ZNF467: variants seen among roughly 807,000 people sequenced by gnomAD.
ZNF467 encodes the protein zinc finger protein 467.
Under a neutral mutation model 47.8 loss-of-function variants are expected in ZNF467, and 51 were observed. The observed-to-expected ratio is 1.07, with a 90% CI of 0.85 to 1.35. The LOEUF is 1.35. Among genes scored for constraint, ZNF467 ranks in the 40% most tolerant of loss-of-function variants. ZNF467 has a pLI of 0.00. For missense variants in ZNF467, 992 were observed against 858.1 expected (o/e 1.16, Z -1.95); for synonymous variants, 416 against 372.9 (o/e 1.12, Z -1.33).
At position 149,765,345 on chromosome 7, in the gene ZNF467, C is replaced by T. The variant is rs755714847; in HGVS notation, c.1157G>A (p.Cys386Tyr). 1.3e-6 allele frequency: 2 copies of T among 1,527,850 alleles called. No homozygotes were observed. The highest frequency in any genetic ancestry group is 1.8e-6 in the Non-Finnish European group (2 of 1,135,766). The allele number at this position is 1,527,850 out of a possible 1,614,324, so 94.6% of individuals were successfully genotyped here. A position where few individuals can be genotyped will look rare whatever the true frequency, so the allele number is the denominator to read the frequency against. ...LHRSEGRPFGCDECALGATVD... is the reference protein window; with the variant it reads ...LHRSEGRPFGYDECALGATVD... ...GGTGGCGCCCAGTGCGCACTCATCG[C>T]ACCCAAAGGGGCGACCCTCGCTGCG... Residue 386 changes from cysteine (C) to tyrosine (Y), a missense_variant, in exon 5 of 5, where the codon TGC becomes TAC. Transcript: ENST00000302017.
rs773885949 is a variant in ZNF467 at position 149,769,174 on chromosome 7, C to T, written c.178G>A (p.Gly60Ser). Residue 60 changes from glycine to serine, a missense_variant, in exon 4 of 5, where the codon GGT becomes AGT. Transcript: ENST00000302017. The surrounding 1 kb of genome is among the most constrained non-coding windows in gnomAD (Gnocchi z 5.3). ...SGHEAPTPEE[G>S]AHTEQAEAPC... ...GCCTCGGCTTGTTCTGTGTGGGCAC[C>T]TTCCTCCGGTGTAGGGGCCTCGTGC... 9 of 1,560,644 alleles carry T rather than the reference C, an allele frequency of 5.8e-6. No individual in the cohort carries two copies. Among genetic ancestry groups the T allele is most frequent in the Non-Finnish European group, 7.8e-6 (9 of 1,151,520 alleles).
chr7:149,764,826 A>T lies in ZNF467; in HGVS notation c.1676T>A (p.Val559Glu). 6.5e-7 allele frequency: 1 copy of T among 1,541,908 alleles called. No individual in the cohort carries two copies. Among genetic ancestry groups the T allele is most frequent in the Non-Finnish European group, 8.7e-7 (1 of 1,144,682 alleles). ...TTCGCCGTGAATGAGCTGGTGCCGC[A>T]CCAGGTGGGTCTTGCGGCTGAAGCT... ...GKSFSRKTHL[V>E]RHQLIHGEAA... The change falls in exon 5 of 5, where the codon GTG becomes GAG. Residue 559 changes from valine (V) to glutamate (E), a missense_variant. Val to Glu is a moderately radical substitution (Grantham distance 121, BLOSUM62 -2). Coordinates refer to ENST00000302017, the MANE Select transcript of ZNF467 (RefSeq NM_207336.3).
Position 149,764,306 on chromosome 7 carries a change from CAGTG to C in ZNF467, c.*404_*407del. ...GGTCTGTGTGTGGATGGAGGTGGGA[CAGTG>C]GCTAAGGAGAGTCAGGTGTTCCCTC... On this transcript the variant is annotated 3_prime_UTR_variant, in exon 5 of 5. Coordinates refer to ENST00000302017, the MANE Select transcript of ZNF467 (RefSeq NM_207336.3). 9.5e-6 allele frequency: 4 copies of C among 421,072 alleles called. No individual in the cohort carries two copies. The highest frequency in any genetic ancestry group is 7.2e-5 in the South Asian group (1 of 13,984). 26.1% of individuals were successfully genotyped at this position (421,072 alleles called of 1,614,324 possible).
chr7:149,768,851 G>C (rs1262756766), intron 4 of ZNF467, among the ~76,000 whole-genome samples: 2 of 152,248 alleles, frequency 1.3e-5, no homozygotes, highest in Non-Finnish European at 2.9e-5. Flanking sequence ...AGGGGAGGCT[G>C]TGTTTCTCTT....
chr7:149,771,380 C>G (rs1439252381), intron 1 of ZNF467, among the ~76,000 whole-genome samples: 1 of 152,190 alleles, frequency 6.6e-6, no homozygotes, highest in East Asian at 1.9e-4. Flanking sequence ...CCCCAGCGTC[C>G]TTGCCTGGGA....
intron 3 of ZNF467, 67 bp downstream of exon 3, chr7:149,770,373 G>T (rs1051725580): frequency 9.3e-7 from 1 of 1,071,170 alleles, no homozygotes. Flanking sequence ...AAGGGAGAGA[G>T]GTAGGGAGGG....
At chr7:149,771,333 A>AC (rs1799399279) in intron 1 of ZNF467, among the ~76,000 whole-genome samples, 4 of 152,074 alleles carry the variant, frequency 2.6e-5, no homozygotes, top group African/African-American at 9.7e-5. Flanking sequence ...CAGGTCTGTC[A>AC]CCGCCAACCC....
chr7:149,764,712 G>C lies in ZNF467; in HGVS notation c.*2C>G, dbSNP rs778080256. The C allele has an allele frequency of 6.3e-6, 10 of 1,575,652 alleles. No homozygotes were observed. In the African/African-American group the frequency reaches 1.4e-4, roughly 21 times the overall value. ...AAGAAAGGGTCCTCGTGAGAACTAGGCTCAGAAGAAGAGCGGGGGCGGCGC... is the reference window on the plus strand; with the variant it reads ...AAGAAAGGGTCCTCGTGAGAACTAGCCTCAGAAGAAGAGCGGGGGCGGCGC... On this transcript the variant is annotated 3_prime_UTR_variant, in exon 5 of 5. Transcript: ENST00000302017.
At chr7:149,775,998 C>G, upstream of ZNF467, 2 of 1,345,606 alleles carry the variant, frequency 1.5e-6, no homozygotes, top group Non-Finnish European at 2.0e-6. Flanking sequence ...TCTCTTGAGC[C>G]CAAGCCTCAC....
chr7:149,766,381 G>A (rs1044477935), intron 4 of ZNF467, 142 bp from the exon 5 acceptor site: 20 of 1,388,580 alleles, frequency 1.4e-5, no homozygotes, highest in Non-Finnish European at 1.8e-5. Context: ...GACCAAATCC[G>A]CAGCTCTTCT....
In ZNF467 at chr7:149,764,255, G is replaced by A. The variant is rs373244323; in HGVS notation, c.*459C>T. 1.4e-4 allele frequency: 58 copies of A among 426,064 alleles called. No individual in the cohort carries two copies. The East Asian group carries it at 1.7e-3, about 12-fold the overall frequency. The allele number at this position is 426,064 out of a possible 1,614,324, so 26.4% of individuals were successfully genotyped here. ...CAGCTGGCTAAATGTAACTCACCCA[G>A]GACAGAAGGGGAAGTGGAGGGGGGT... On this transcript the variant is annotated 3_prime_UTR_variant, in exon 5 of 5. Transcript: ENST00000302017.
intron 1 of ZNF467, 61 bp downstream of exon 1, chr7:149,773,047 A>G (rs1799477824): frequency 1.4e-5 from 2 of 147,172 alleles, no homozygotes; most frequent in Non-Finnish European, 3.0e-5. Flanking sequence ...CCGTGACCCA[A>G]CCGCGGCGCT....
Position 149,764,530 on chromosome 7 carries a change from C to T in ZNF467, c.*184G>A. ...GGTTCCCAGCAAGGGTTCGCTGAGT[C>T]TCTGTCCTAGGAGGTCCGAGCTGGG... On this transcript the variant is annotated 3_prime_UTR_variant, in exon 5 of 5. Coordinates refer to ENST00000302017, the MANE Select transcript of ZNF467 (RefSeq NM_207336.3). 1 of 1,126,496 alleles carries T rather than the reference C, an allele frequency of 8.9e-7. No individual in the cohort carries two copies. The highest frequency in any genetic ancestry group is 1.5e-5 in the African/African-American group (1 of 65,176). 69.8% of individuals were successfully genotyped at this position (1,126,496 alleles called of 1,614,324 possible).
intron 2 of ZNF467, 64 bp downstream of exon 2, chr7:149,770,935 A>C (rs371092260): frequency 1.1e-4 from 175 of 1,608,450 alleles, no homozygotes; most frequent in Non-Finnish European, 1.5e-4. Flanking sequence ...CTGCTGTCTG[A>C]GTTGTAGATG....
chr7:149,767,296 G>A (rs1350963963), intron 4 of ZNF467, among the ~76,000 whole-genome samples: 2 of 152,234 alleles, frequency 1.3e-5, no homozygotes, highest in African/African-American at 4.8e-5. Context: ...TGGGGGCAAG[G>A]CCCACGAACG....
rs1441952238 is a variant in ZNF467 at position 149,766,312 on chromosome 7, C to A, written c.263-73G>T. ...CGTCTATTTAACCACAGGATCTCCA[C>A]TTCCTGGAGCCCCGCGGTCTGGCTC... On this transcript the variant is annotated intron_variant, in intron 4 of 4. Coordinates refer to ENST00000302017, the MANE Select transcript of ZNF467 (RefSeq NM_207336.3). 1.6e-5 allele frequency: 24 copies of A among 1,503,876 alleles called. No individual in the cohort carries two copies. The Admixed American group carries it at 4.6e-4, about 29-fold the overall frequency. The allele number at this position is 1,503,876 out of a possible 1,614,324, so 93.2% of individuals were successfully genotyped here.
At chr7:149,767,997 G>T (rs1002700966) in intron 4 of ZNF467, among the ~76,000 whole-genome samples, 4 of 152,106 alleles carry the variant, frequency 2.6e-5, no homozygotes, top group Admixed American at 6.6e-5. Context: ...GATCTTCTCA[G>T]CCTAGAACGT....
chr7:149,764,975 G>GTGT lies in ZNF467; in HGVS notation c.1526_1527insACA (p.Val508_His509insGln). ...CGCAGGCGTGGGGGCGGCTGCCAGT[G>GTGT]TGCACCGCCTGGTGGCGGCCCAGGT... On this transcript the variant is annotated inframe_insertion, in exon 5 of 5. Coordinates refer to ENST00000302017, the MANE Select transcript of ZNF467 (RefSeq NM_207336.3). 2 of 1,591,838 alleles carry GTGT rather than the reference G, an allele frequency of 1.3e-6. No homozygotes were observed. The highest frequency in any genetic ancestry group is 1.7e-6 in the Non-Finnish European group (2 of 1,174,856).
chr7:149,765,101 G>C lies in ZNF467; in HGVS notation c.1401C>G (p.Arg467=), dbSNP rs1799130799. Residue 467 remains arginine (R), a synonymous_variant, in exon 5 of 5, where the codon CGC becomes CGG. Transcript: ENST00000302017. ...RPFACTQCDR[R]FGSRPNLVAH... is the part of the protein sequence containing the mutation. The stretch of plus-strand genomic sequence containing the variant: ...CGACCAGATTAGGCCGCGAGCCGAA[G>C]CGGCGGTCACACTGCGTGCAGGCGA... 1 of 1,467,930 alleles carries C rather than the reference G, an allele frequency of 6.8e-7. No individual in the cohort carries two copies. Among genetic ancestry groups the C allele is most frequent in the Non-Finnish European group, 9.0e-7 (1 of 1,113,620 alleles). The allele number at this position is 1,467,930 out of a possible 1,614,324, so 90.9% of individuals were successfully genotyped here. A position where few individuals can be genotyped will look rare whatever the true frequency, so the allele number is the denominator to read the frequency against.
Sources: allele counts gnomAD v4.1 joint callset (sites outside exome capture counted in the v4.1 genomes callset), GRCh38; gene constraint gnomAD v4.1.1; non-coding constraint Gnocchi (gnomAD v3.1); transcripts MANE v1.5; gene names NCBI Gene and HGNC (gene_info 2026-07-23, HGNC 2026-07-21).